The following RHOU variants were observed in gnomAD, a reference collection of about 807,000 sequenced individuals.
RHOU encodes rho-related GTP-binding protein RhoU.
Under a neutral mutation model 12.6 loss-of-function variants are expected in RHOU, and 8 were observed. The observed-to-expected ratio is 0.64, with a 90% CI of 0.37 to 1.15. The LOEUF (loss-of-function observed/expected upper bound fraction) is 1.15. Ranked by LOEUF, RHOU falls within the 50% of genes most tolerant of loss-of-function variation. The pLI is 0.01. For missense variants in RHOU, 258 were observed against 347.0 expected (o/e 0.74, Z 2.04); for synonymous variants, 161 against 147.4 (o/e 1.09, Z -0.67).
the RHOU span, among the ~76,000 whole-genome samples, chr1:228,716,747 C>CATATATATATACGTATATAT: frequency 2.6e-5 from 4 of 151,242 alleles, no homozygotes; most frequent in African/African-American, 4.9e-5. Context: ...TATACACACA[C>CATATATATATACGTATATAT]ATGTGTGTGT....
In RHOU at chr1:228,735,638, C is replaced by A; in HGVS notation, c.-105C>A. ...CACTCTCCAGGGCCGGGGACGCGCC[C>A]GCAGCTGTCGGTGACAGCTCCTCCC... On this transcript the variant is annotated 5_prime_UTR_variant, in exon 1 of 3. Transcript: ENST00000366691. This position sits in a 1 kb window ranked among gnomAD's most constrained non-coding sequence, Gnocchi z 8.1. The A allele has an allele frequency of 1.1e-6, 1 of 921,082 alleles. No homozygotes were observed. The allele number at this position is 921,082 out of a possible 1,614,324, so 57.1% of individuals were successfully genotyped here.
chr1:228,661,274 A>T, the RHOU span, among the ~76,000 whole-genome samples: 1 of 152,236 alleles, frequency 6.6e-6, no homozygotes, highest in Non-Finnish European at 1.5e-5. Flanking sequence ...GGTAATTTAT[A>T]GATTCAATGC....
chr1:228,687,684 C>A, the RHOU span: 1 of 1,489,044 alleles, frequency 6.7e-7, no homozygotes, highest in Non-Finnish European at 9.3e-7. Context: ...CATTGAGACA[C>A]ATTACCTGAA....
At chr1:228,712,316 A>T in the RHOU span, among the ~76,000 whole-genome samples, 1 of 148,858 alleles carries the variant, frequency 6.7e-6, no homozygotes, top group Non-Finnish European at 1.5e-5. Context: ...CTGGGTATAT[A>T]CCCAAAGGAC....
the RHOU span, among the ~76,000 whole-genome samples, chr1:228,718,576 A>C: frequency 1.3e-5 from 2 of 152,186 alleles, no homozygotes; most frequent in African/African-American, 4.8e-5. Flanking sequence ...TGCCTTTATC[A>C]ACAGGATAAA....
chr1:228,703,387 G>C, the RHOU span, among the ~76,000 whole-genome samples: 1 of 152,006 alleles, frequency 6.6e-6, no homozygotes, highest in Non-Finnish European at 1.5e-5. Context: ...TTAGCCAGGT[G>C]TGGTGGTGGG....
the RHOU span, among the ~76,000 whole-genome samples, chr1:228,715,095 T>C: frequency 6.6e-6 from 1 of 151,232 alleles, no homozygotes; most frequent in African/African-American, 2.4e-5. Flanking sequence ...CTAGATCTAT[T>C]TTTTTTTTCC....
the RHOU span, among the ~76,000 whole-genome samples, chr1:228,721,962 C>G: frequency 6.6e-6 from 1 of 152,118 alleles, no homozygotes; most frequent in Non-Finnish European, 1.5e-5. Flanking sequence ...CTTTGTTTTC[C>G]ACCGTAGTTG....
At chr1:228,648,280 C>G in the RHOU span, among the ~76,000 whole-genome samples, 1 of 152,246 alleles carries the variant, frequency 6.6e-6, no homozygotes. Flanking sequence ...CTCCGCGGCG[C>G]CACCCTGTTT....
At chr1:228,692,312 C>G in the RHOU span, among the ~76,000 whole-genome samples, 3 of 152,218 alleles carry the variant, frequency 2.0e-5, no homozygotes, top group Non-Finnish European at 4.4e-5. Context: ...ATCATTATTA[C>G]AGATTAAACA....
rs1662815693 is a variant in RHOU at position 228,745,603 on chromosome 1, T to TCC, written c.*1863_*1864insCC. ...GATTGATTATTCAACACATTGGAAT[T>TCC]GATGTCGGTCATAGTTTCCTGAAGC... On this transcript the variant is annotated 3_prime_UTR_variant, in exon 3 of 3. Transcript: ENST00000366691. 4 of 152,332 alleles carry TCC rather than the reference T, an allele frequency of 2.6e-5. No homozygotes were observed. The East Asian group carries it at 7.7e-4, about 29-fold the overall frequency. The allele number at this position is 152,332 out of a possible 1,614,324, so 9.4% of individuals were successfully genotyped here. A position where few individuals can be genotyped will look rare whatever the true frequency, so the allele number is the denominator to read the frequency against.
At chr1:228,676,668 A>C in the RHOU span, among the ~76,000 whole-genome samples, 1 of 152,168 alleles carries the variant, frequency 6.6e-6, no homozygotes, top group East Asian at 1.9e-4. Context: ...GAGTCAGTGA[A>C]GGGTGGTGGG....
At chr1:228,731,757 G>A (rs1290308750), upstream of RHOU, among the ~76,000 whole-genome samples, 1 of 151,990 alleles carries the variant, frequency 6.6e-6, no homozygotes, top group African/African-American at 2.4e-5. Context: ...GTGGGTTGCT[G>A]GAAGTCCTGG....
chr1:228,675,958 G>A, the RHOU span, among the ~76,000 whole-genome samples: 2 of 152,038 alleles, frequency 1.3e-5, no homozygotes, highest in Non-Finnish European at 2.9e-5. Context: ...GGAAAAATTA[G>A]GAGAAGAGGC....
the RHOU span, among the ~76,000 whole-genome samples, chr1:228,694,549 A>G: frequency 6.6e-6 from 1 of 151,994 alleles, no homozygotes; most frequent in African/African-American, 2.4e-5. Context: ...TTCGGCTCCC[A>G]CTTATAAGTA....
the RHOU span, among the ~76,000 whole-genome samples, chr1:228,656,501 G>A: frequency 6.6e-6 from 1 of 152,100 alleles, no homozygotes; most frequent in Non-Finnish European, 1.5e-5. Context: ...CTATGTTTTT[G>A]GACCCATAAT....
chr1:228,707,248 T>TAC, the RHOU span, among the ~76,000 whole-genome samples: 13 of 92,364 alleles, frequency 1.4e-4, no homozygotes, highest in African/African-American at 8.6e-4. Context: ...TATATATATA[T>TAC]ATATATAGTG....
chr1:228,655,475 C>T, the RHOU span, among the ~76,000 whole-genome samples: 1 of 152,158 alleles, frequency 6.6e-6, no homozygotes, highest in East Asian at 1.9e-4. Context: ...AAGTGCAACT[C>T]CTAAGAAAAT....
chr1:228,660,355 A>T, the RHOU span, among the ~76,000 whole-genome samples: 4 of 135,618 alleles, frequency 2.9e-5, no homozygotes, highest in South Asian at 4.5e-4. Flanking sequence ...CGAAAAAAAT[A>T]AAAAAAAAAA....
Sources: allele counts gnomAD v4.1 joint callset (sites outside exome capture counted in the v4.1 genomes callset), GRCh38; gene constraint gnomAD v4.1.1; non-coding constraint Gnocchi (gnomAD v3.1); transcripts MANE v1.5; gene names NCBI Gene and HGNC (gene_info 2026-07-23, HGNC 2026-07-21).